VPS37B: variants seen among roughly 807,000 people sequenced by gnomAD.
The protein encoded by VPS37B is VPS37B subunit of ESCRT-I.
VPS37B carries 11 observed loss-of-function variants against 21.2 expected under a neutral mutation model. The ratio of observed to expected loss-of-function variants is 0.52; its 90% CI spans 0.33 to 0.86. The LOEUF (loss-of-function observed/expected upper bound fraction) is 0.86, where lower values mean the gene tolerates loss of function less well. Among genes scored for constraint, VPS37B ranks in the 40% least tolerant of loss-of-function variants. The probability of loss-of-function intolerance (pLI) is 0.03; values close to 1 mark genes in which losing one functional copy is unlikely to be tolerated. For synonymous variants in VPS37B, 175 were observed against 159.6 expected, an observed-to-expected ratio of 1.10 and a Z score of -0.73; for missense variants, 389 against 374.8, an observed-to-expected ratio of 1.04 and a Z score of -0.31.
chr12:122,887,725 A>C (rs1246791176), intron 1 of VPS37B: 1 of 152,220 alleles, frequency 6.6e-6, no homozygotes, highest in East Asian at 1.9e-4. Context: ...TAAATGATGA[A>C]AACTATGTGG....
chr12:122,874,016 A>G, intron 1 of VPS37B: 1 of 152,248 alleles, frequency 6.6e-6, no homozygotes, highest in East Asian at 1.9e-4. Flanking sequence ...AAGTGCCTCC[A>G]ATCCTTGATG....
At chr12:122,888,738 T>C in intron 1 of VPS37B, 1 of 364,182 alleles carries the variant, frequency 2.7e-6, no homozygotes, top group Non-Finnish European at 5.7e-6. Flanking sequence ...TCCCCTCCCT[T>C]CGATGGCAGC....
chr12:122,870,479 A>AT (rs2034003470), intron 2 of VPS37B: 1 of 163,586 alleles, frequency 6.1e-6, no homozygotes, highest in Non-Finnish European at 1.3e-5. Context: ...ACAGTGGCTC[A>AT]TGTCTGTAAT....
chr12:122,866,821 C>G lies in VPS37B; in HGVS notation c.*295G>C. The G allele has an allele frequency of 2.8e-6, 1 of 354,650 alleles. No homozygotes were observed. Among genetic ancestry groups the G allele is most frequent in the Non-Finnish European group, 5.1e-6 (1 of 197,822 alleles). 22.0% of individuals were successfully genotyped at this position (354,650 alleles called of 1,614,324 possible). On this transcript the variant is annotated 3_prime_UTR_variant, in exon 4 of 4. Coordinates refer to ENST00000267202, the MANE Select transcript of VPS37B (RefSeq NM_024667.3). The stretch of plus-strand genomic sequence containing the variant: ...ATTCTAAATGGGACTGGGGGAGAGG[C>G]CTATTTCTTCCCAAACATGAGTTCA...
At chr12:122,874,940 T>G (rs1593912430) in intron 1 of VPS37B, 1 of 82,470 alleles carries the variant, frequency 1.2e-5, no homozygotes, top group Non-Finnish European at 2.1e-5. Context: ...AGAGTGAAAC[T>G]CCGTCTCAAA....
At chr12:122,889,912 C>T (rs998891764) in intron 1 of VPS37B, 1 of 152,234 alleles carries the variant, frequency 6.6e-6, no homozygotes, top group East Asian at 1.9e-4. Context: ...GACGAGAACT[C>T]GCTCGTCGGA....
At chr12:122,883,620 C>T (rs2034280296) in intron 1 of VPS37B, 1 of 152,290 alleles carries the variant, frequency 6.6e-6, no homozygotes, top group South Asian at 2.1e-4. Context: ...GCTGAGACTA[C>T]AGGTGTGCAC....
At position 122,868,531 on chromosome 12, in the gene VPS37B, G is replaced by A. The variant is rs1355157917; in HGVS notation, c.315C>T (p.Thr105=). ...DRQSSSASLE[T]LLALLQAEGA... The stretch of plus-strand genomic sequence containing the variant: ...CTTCTGCCTGAAGAAGTGCTAACAG[G>A]GTCTCCAAGGAAGCACTGCTAGACT... Residue 105 remains threonine, a synonymous_variant, in exon 3 of 4, where the codon ACC becomes ACT. Coordinates refer to ENST00000267202, the MANE Select transcript of VPS37B (RefSeq NM_024667.3). The surrounding 1 kb of genome is among the most constrained non-coding windows in gnomAD (Gnocchi z 5.5). 4 of 1,613,694 alleles carry A rather than the reference G, an allele frequency of 2.5e-6. No homozygotes were observed. The highest frequency in any genetic ancestry group is 3.4e-6 in the Non-Finnish European group (4 of 1,179,914).
chr12:122,874,380 C>T (rs891123545), intron 1 of VPS37B: 2 of 152,208 alleles, frequency 1.3e-5, no homozygotes, highest in Admixed American at 1.3e-4. Flanking sequence ...GCCTTCAAAG[C>T]TCCCTGCTGA....
rs2033881232 is a variant in VPS37B, at chr12:122,865,572, G to A, written c.*1544C>T. 1 of 151,124 alleles carries A rather than the reference G, an allele frequency of 6.6e-6. No homozygotes were observed. Among genetic ancestry groups the A allele is most frequent in the African/African-American group, 2.4e-5 (1 of 41,138 alleles). The allele number at this position is 151,124 out of a possible 1,614,324, so 9.4% of individuals were successfully genotyped here. A position where few individuals can be genotyped will look rare whatever the true frequency, so the allele number is the denominator to read the frequency against. On this transcript the variant is annotated 3_prime_UTR_variant, in exon 4 of 4. Transcript: ENST00000267202. Reference sequence around the variant, plus strand: ...CAGAACATGGCAAGCCCGCCTGACTGGCATGGCAGTGAATCGTCCTGTACA... The same window carrying A: ...CAGAACATGGCAAGCCCGCCTGACTAGCATGGCAGTGAATCGTCCTGTACA...
chr12:122,882,521 TC>T (rs1026982342), intron 1 of VPS37B: 3 of 152,202 alleles, frequency 2.0e-5, no homozygotes, highest in Non-Finnish European at 4.4e-5. Context: ...ATAAAACAAA[TC>T]TTAGCTTTTG....
intron 1 of VPS37B, chr12:122,872,784 T>C: frequency 1.3e-6 from 1 of 776,718 alleles, no homozygotes; most frequent in Non-Finnish European, 1.6e-6. Flanking sequence ...TGGGCATTTA[T>C]ATCAGAGAAA....
chr12:122,872,005 C>T (rs1166152092), intron 1 of VPS37B: 1 of 985,318 alleles, frequency 1.0e-6, no homozygotes, highest in Non-Finnish European at 1.2e-6. Flanking sequence ...GTCCCTGTTT[C>T]TCTTTAAGCA....
chr12:122,871,023 G>A lies in VPS37B; in HGVS notation c.150C>T (p.Ala50=), dbSNP rs1593907834. 2 of 1,614,202 alleles carry A rather than the reference G, an allele frequency of 1.2e-6. No individual in the cohort carries two copies. Among genetic ancestry groups the A allele is most frequent in the Non-Finnish European group, 1.7e-6 (2 of 1,180,030 alleles). ...TTCCTTCTGCCAGGCTCCGGTTGCTGGCAAGTGTCATTTCTTTGTTAAGCT... is the reference window on the plus strand; with the variant it reads ...TTCCTTCTGCCAGGCTCCGGTTGCTAGCAAGTGTCATTTCTTTGTTAAGCT... ...NVQLNKEMTL[A]SNRSLAEGNL... is the part of the protein sequence containing the mutation. The change falls in exon 2 of 4, where the codon GCC becomes GCT. Residue 50 remains alanine, a synonymous_variant. Coordinates refer to ENST00000267202, the MANE Select transcript of VPS37B (RefSeq NM_024667.3).
In VPS37B at chr12:122,867,164, T is replaced by A. The variant is rs772991928; in HGVS notation, c.810A>T (p.Arg270Ser). ...GGTGTGGAGGGAGCCGGGGCGGGGG[T>A]CTCTGAGGGAGAGGTGGCGGATATG... The part of the protein sequence containing the change: ...VSPYPPPLPQ[R>S]PPPRLPPHQP... The change falls in exon 4 of 4, where the codon AGA becomes AGT. Residue 270 changes from arginine to serine, a missense_variant. By Grantham distance (110) the Arg-to-Ser change is moderately radical (BLOSUM62 -1). Transcript: ENST00000267202. The surrounding 1 kb of genome is among the most constrained non-coding windows in gnomAD (Gnocchi z 5.5). 42 of 1,549,018 alleles carry A rather than the reference T, an allele frequency of 2.7e-5. No homozygotes were observed. Among genetic ancestry groups the A allele is most frequent in the Admixed American group, 1.0e-4 (5 of 48,442 alleles).
chr12:122,872,783 A>G, intron 1 of VPS37B: 2 of 774,614 alleles, frequency 2.6e-6, no homozygotes, highest in African/African-American at 1.9e-5. Flanking sequence ...TTGGGCATTT[A>G]TATCAGAGAA....
intron 2 of VPS37B, among the ~76,000 whole-genome samples, chr12:122,869,222 A>T (rs887388693): frequency 2.0e-5 from 3 of 152,236 alleles, no homozygotes; most frequent in African/African-American, 7.2e-5. Flanking sequence ...AAATTTTATT[A>T]TAAGGTAATA....
intron 1 of VPS37B, chr12:122,889,053 CT>C (rs2135711980): frequency 6.2e-6 from 1 of 160,206 alleles, no homozygotes; most frequent in African/African-American, 2.4e-5. Flanking sequence ...TCACCACTCA[CT>C]CAGCAGCACT....
rs377637538 is a variant in VPS37B at position 122,881,321 on chromosome 12, G to A, written c.112-10260C>T. 10 of 152,334 alleles carry A rather than the reference G, an allele frequency of 6.6e-5. No individual in the cohort carries two copies. The East Asian group carries it at 1.2e-3, about 18-fold the overall frequency. The allele number at this position is 152,334 out of a possible 1,614,324, so 9.4% of individuals were successfully genotyped here. A position where few individuals can be genotyped will look rare whatever the true frequency, so the allele number is the denominator to read the frequency against. On this transcript the variant is annotated intron_variant, in intron 1 of 3. Coordinates refer to ENST00000267202, the MANE Select transcript of VPS37B (RefSeq NM_024667.3). ...TGCTAGTAACTCCCTCCAGAGCTGC[G>A]ATCTTAACTACTGTGCAGTGGCTCA...
Sources: gnomAD v4.1 joint callset for allele counts (sites outside exome capture counted in the v4.1 genomes callset) on GRCh38, gnomAD v4.1.1 for gene constraint, Gnocchi (gnomAD v3.1) non-coding constraint, MANE v1.5 for transcripts, NCBI Gene and HGNC (gene_info 2026-07-23, HGNC 2026-07-21) for gene names.